CSMD1: variants seen among roughly 807,000 people sequenced by gnomAD.
CSMD1 encodes CUB and sushi domain-containing protein 1.
A neutral mutation model predicts 417.5 loss-of-function variants in CSMD1; 213 were observed. The observed-to-expected ratio is 0.51, with a 90% CI of 0.46 to 0.57. The LOEUF (loss-of-function observed/expected upper bound fraction) is 0.57, where lower values mean the gene tolerates loss of function less well. Ranked by LOEUF, CSMD1 falls within the 20% of genes least tolerant of loss-of-function variation. The pLI, the probability that CSMD1 is intolerant of heterozygous loss-of-function variation, is 0.00. For missense variants in CSMD1, 6,923 were observed against 4,529.7 expected (o/e 1.53, Z -15.17); for synonymous variants, 2,862 against 1,736.8 (o/e 1.65, Z -16.11).
At chr8:4,141,249 G>C (rs1185682671) in intron 3 of CSMD1, among the ~76,000 whole-genome samples, 2 of 151,098 alleles carry the variant, frequency 1.3e-5, no homozygotes, top group East Asian at 1.9e-4. Flanking sequence ...TGAAGAATAA[G>C]CTTGATGCTG....
intron 1 of CSMD1, among the ~76,000 whole-genome samples, chr8:4,641,621 C>G (rs1478971369): frequency 6.6e-6 from 1 of 152,102 alleles, no homozygotes; most frequent in African/African-American, 2.4e-5. Flanking sequence ...CTTCTGACAC[C>G]AAAGCCTAGA....
intron 3 of CSMD1, among the ~76,000 whole-genome samples, chr8:4,155,351 A>T (rs1415383204): frequency 6.6e-6 from 1 of 152,180 alleles, no homozygotes; most frequent in East Asian, 1.9e-4. Context: ...CCCGCAGGGT[A>T]AACAGCCACG....
chr8:3,331,152 G>A (rs372523297), intron 23 of CSMD1, among the ~76,000 whole-genome samples: 8 of 151,194 alleles, frequency 5.3e-5, no homozygotes, highest in African/African-American at 1.9e-4. Context: ...GCAGGAGAAT[G>A]GTGTGAACCC....
chr8:3,253,890 G>T (rs932819220), intron 26 of CSMD1, among the ~76,000 whole-genome samples: 2 of 152,124 alleles, frequency 1.3e-5, no homozygotes, highest in Admixed American at 1.3e-4. Flanking sequence ...GGTTTATATT[G>T]TTATGTGTGA....
intron 1 of CSMD1, among the ~76,000 whole-genome samples, chr8:4,648,589 T>G (rs1411612233): frequency 6.6e-6 from 1 of 152,230 alleles, no homozygotes; most frequent in Non-Finnish European, 1.5e-5. Context: ...AATGTGATTT[T>G]TTTTTGCACA....
At chr8:3,971,383 T>A (rs944899617) in intron 5 of CSMD1, among the ~76,000 whole-genome samples, 2 of 152,178 alleles carry the variant, frequency 1.3e-5, no homozygotes, top group Non-Finnish European at 2.9e-5. Flanking sequence ...ATGACGACTG[T>A]CCCTATTAAG....
chr8:4,929,779 T>C (rs1216729239), intron 1 of CSMD1, among the ~76,000 whole-genome samples: 1 of 152,182 alleles, frequency 6.6e-6, no homozygotes, highest in Non-Finnish European at 1.5e-5. Flanking sequence ...CAGGAGATGA[T>C]GGTGGGAGAG....
chr8:2,948,996 G>C (rs545660669), intron 68 of CSMD1, among the ~76,000 whole-genome samples: 1 of 150,062 alleles, frequency 6.7e-6, no homozygotes, highest in Non-Finnish European at 1.5e-5. Context: ...AGAACTCTTA[G>C]TTTTCTTTGG....
chr8:4,724,787 C>A (rs1809305192), intron 1 of CSMD1, among the ~76,000 whole-genome samples: 1 of 151,978 alleles, frequency 6.6e-6, no homozygotes, highest in Middle Eastern at 3.2e-3. Flanking sequence ...ACAGCATAGC[C>A]TTGTAGTATG....
intron 3 of CSMD1, among the ~76,000 whole-genome samples, chr8:4,315,102 G>A (rs1055835065): frequency 2.6e-5 from 4 of 152,114 alleles, no homozygotes; most frequent in African/African-American, 7.2e-5. Context: ...GAAGAGGACA[G>A]GGCTTCTTAC....
intron 5 of CSMD1, among the ~76,000 whole-genome samples, chr8:3,819,475 G>C (rs992002462): frequency 6.6e-6 from 1 of 151,830 alleles, no homozygotes; most frequent in African/African-American, 2.4e-5. Context: ...TCAATCGTCG[G>C]TGGCACTGCT....
chr8:3,533,989 T>C (rs1798087222), intron 10 of CSMD1, among the ~76,000 whole-genome samples: 1 of 152,166 alleles, frequency 6.6e-6, no homozygotes, highest in African/African-American at 2.4e-5. Context: ...TTGGCAATAT[T>C]TATATTTTAA....
At chr8:4,887,115 T>G (rs982233593) in intron 1 of CSMD1, among the ~76,000 whole-genome samples, 1 of 151,934 alleles carries the variant, frequency 6.6e-6, no homozygotes, top group Non-Finnish European at 1.5e-5. Context: ...CATTTACAGC[T>G]ATAAATATTC....
intron 2 of CSMD1, among the ~76,000 whole-genome samples, chr8:4,561,966 T>A (rs12675963): frequency 0.42 from 63,144 of 151,876 alleles, 14,822 homozygotes; most frequent in East Asian, 0.57. Flanking sequence ...ACAACGCCCA[T>A]CCGGTAAACG....
intron 2 of CSMD1, among the ~76,000 whole-genome samples, chr8:4,471,292 C>G (rs142067205): frequency 1.9e-3 from 285 of 152,230 alleles, no homozygotes; most frequent in African/African-American, 6.4e-3. Context: ...ACAACAAAGT[C>G]AAACAGGTTG....
intron 18 of CSMD1, among the ~76,000 whole-genome samples, chr8:3,376,012 A>G: frequency 6.6e-6 from 1 of 152,182 alleles, no homozygotes; most frequent in East Asian, 1.9e-4. Context: ...CAACTTCTTT[A>G]TCCTCATCCA....
intron 12 of CSMD1, among the ~76,000 whole-genome samples, chr8:3,436,422 TG>T (rs1814570537): frequency 6.6e-6 from 1 of 152,190 alleles, no homozygotes; most frequent in Non-Finnish European, 1.5e-5. Context: ...GCTGGTCTTT[TG>T]CCCAGTTGCT....
At chr8:3,830,529 T>C (rs1802317693) in intron 5 of CSMD1, among the ~76,000 whole-genome samples, 1 of 152,212 alleles carries the variant, frequency 6.6e-6, no homozygotes, top group South Asian at 2.1e-4. Context: ...ATGTCCTTAG[T>C]ATCTCAAAGA....
At chr8:4,896,352 C>A (rs1441967538) in intron 1 of CSMD1, among the ~76,000 whole-genome samples, 1 of 152,024 alleles carries the variant, frequency 6.6e-6, no homozygotes, top group Admixed American at 6.5e-5. Context: ...CATATTTGAG[C>A]TTAACACAGG....
Sources: allele counts gnomAD v4.1 joint callset (sites outside exome capture counted in the v4.1 genomes callset), GRCh38; gene constraint gnomAD v4.1.1; transcripts MANE v1.5; gene names NCBI Gene and HGNC (gene_info 2026-07-23, HGNC 2026-07-21).